TBC1D2B: variants seen among roughly 807,000 people sequenced by gnomAD.
TBC1D2B encodes the protein TBC1 domain family member 2B.
Under a neutral mutation model 100.8 loss-of-function variants are expected in TBC1D2B, and 64 were observed. The observed-to-expected ratio is 0.64, with a 90% CI of 0.52 to 0.78. The LOEUF (loss-of-function observed/expected upper bound fraction) is 0.78, where lower values mean the gene tolerates loss of function less well. Among genes scored for constraint, TBC1D2B ranks in the 30% least tolerant of loss-of-function variants. The pLI is 0.00. For synonymous variants in TBC1D2B, 480 were observed against 479.7 expected (o/e 1.00, Z -0.01); for missense variants, 1,052 against 1,218.4 (o/e 0.86, Z 2.03).
At chr15:78,006,837 A>C (rs2072080428) in intron 10 of TBC1D2B, among the ~76,000 whole-genome samples, 1 of 152,220 alleles carries the variant, frequency 6.6e-6, no homozygotes, top group Non-Finnish European at 1.5e-5. Context: ...TGTAAGTTCA[A>C]ACATTTACTG....
intron 3 of TBC1D2B, chr15:78,034,384 C>T (rs1401652410): frequency 1.7e-6 from 1 of 594,194 alleles, no homozygotes; most frequent in Non-Finnish European, 2.1e-6. Context: ...TTTTCAGTGG[C>T]CCTGCCTACA....
At chr15:78,045,182 A>G (rs966814662) in intron 2 of TBC1D2B, 114 bp from the exon 3 acceptor site, 2 of 911,216 alleles carry the variant, frequency 2.2e-6, no homozygotes, top group East Asian at 2.7e-5. Flanking sequence ...ATGTAATAGT[A>G]TATTTTTAAT....
In TBC1D2B at chr15:78,077,699, C is replaced by T; in HGVS notation, c.-47G>A. On this transcript the variant is annotated 5_prime_UTR_variant, in exon 1 of 13. Transcript: ENST00000300584. ...GGCGCCCGCGCCCTGCGCCTCCGCG[C>T]CGCGGCCGCTGCGCCCCCTACCCCC... The T allele has an allele frequency of 2.0e-6, 2 of 985,368 alleles. No individual in the cohort carries two copies. Among genetic ancestry groups the T allele is most frequent in the South Asian group, 4.5e-5 (1 of 22,022 alleles). The allele number at this position is 985,368 out of a possible 1,614,324, so 61.0% of individuals were successfully genotyped here.
chr15:78,048,429 A>G (rs943925117), intron 2 of TBC1D2B, among the ~76,000 whole-genome samples: 31 of 152,230 alleles, frequency 2.0e-4, no homozygotes, highest in Admixed American at 2.0e-3. Context: ...ACAAACTAGG[A>G]CATGGCAACA....
intron 2 of TBC1D2B, among the ~76,000 whole-genome samples, chr15:78,046,029 T>G (rs917112551): frequency 3.3e-5 from 5 of 152,122 alleles, no homozygotes; most frequent in Non-Finnish European, 7.3e-5. Flanking sequence ...CCTCCTGGGT[T>G]CAAGCGATTC....
chr15:78,025,107 C>T (rs538050945), intron 5 of TBC1D2B, among the ~76,000 whole-genome samples, 152 bp downstream of exon 5: 5 of 152,252 alleles, frequency 3.3e-5, no homozygotes, highest in East Asian at 1.9e-4. Flanking sequence ...CCTAGATGAC[C>T]GCCATGGCAA....
At position 77,998,365 on chromosome 15, in the gene TBC1D2B, C is replaced by T. The variant is rs527462797; in HGVS notation, c.2697-10G>A. Reference sequence around the variant, plus strand: ...GATACTGATCAGCTTCCTGGCAGGACGCAGGGGAGAGACAAGAGAATCAGC... The same window carrying T: ...GATACTGATCAGCTTCCTGGCAGGATGCAGGGGAGAGACAAGAGAATCAGC... On this transcript the variant is annotated splice_polypyrimidine_tract_variant and intron_variant, in intron 12 of 12. Coordinates refer to ENST00000300584, the MANE Select transcript of TBC1D2B (RefSeq NM_144572.2). The T allele has an allele frequency of 1.6e-5, 25 of 1,560,278 alleles. No homozygotes were observed. Among genetic ancestry groups the T allele is most frequent in the Admixed American group, 7.7e-5 (4 of 51,794 alleles).
At chr15:78,059,481 A>T (rs1159475058) in intron 1 of TBC1D2B, among the ~76,000 whole-genome samples, 1 of 152,126 alleles carries the variant, frequency 6.6e-6, no homozygotes, top group Admixed American at 6.5e-5. Context: ...GGTGAGGGAG[A>T]GGGGCAGACA....
chr15:78,003,965 G>C (rs1219840060), intron 10 of TBC1D2B, among the ~76,000 whole-genome samples: 2 of 152,210 alleles, frequency 1.3e-5, no homozygotes, highest in South Asian at 2.1e-4. Flanking sequence ...ATGTGCAGTG[G>C]GGGTGGCGAG....
chr15:78,033,759 GA>G (rs1243497403), intron 3 of TBC1D2B, among the ~76,000 whole-genome samples: 1 of 152,166 alleles, frequency 6.6e-6, no homozygotes, highest in African/African-American at 2.4e-5. Context: ...GGAAAGGGGG[GA>G]AAAGGTGGCT....
rs984859980 is a variant in TBC1D2B at position 78,024,513 on chromosome 15, T to C, written c.1113A>G (p.Thr371=). Residue 371 remains threonine, a synonymous_variant, in exon 6 of 13, where the codon ACA becomes ACG. Coordinates refer to ENST00000300584, the MANE Select transcript of TBC1D2B (RefSeq NM_144572.2). ...QKELVRLLQQ[T]VRSSQYDKYF... ...ACTTGTCATACTGGGATGACCGGAC[T>C]GTCTGCTGGAGCAGTCGAACAAGCT... 7 of 1,613,064 alleles carry C rather than the reference T, an allele frequency of 4.3e-6. No individual in the cohort carries two copies. The highest frequency in any genetic ancestry group is 4.2e-6 in the Non-Finnish European group (5 of 1,179,352).
chr15:78,065,368 C>G (rs1168031597), intron 1 of TBC1D2B, among the ~76,000 whole-genome samples: 1 of 152,202 alleles, frequency 6.6e-6, no homozygotes, highest in African/African-American at 2.4e-5. Context: ...TGTGAGGGAT[C>G]TGGCCACATC....
chr15:78,015,312 T>C (rs1022700455), intron 8 of TBC1D2B, among the ~76,000 whole-genome samples: 8 of 152,184 alleles, frequency 5.3e-5, no homozygotes, highest in South Asian at 2.1e-4. Context: ...ACATTAACAA[T>C]TGCTCAAGTT....
chr15:78,038,432 T>C (rs13329101), intron 3 of TBC1D2B, among the ~76,000 whole-genome samples: 7,771 of 152,026 alleles, frequency 0.051, 395 homozygotes, highest in African/African-American at 0.12. Context: ...GCAGGGCCTG[T>C]TGGGAAGACA....
chr15:78,047,945 A>C (rs1305772053), intron 2 of TBC1D2B, among the ~76,000 whole-genome samples: 1 of 152,240 alleles, frequency 6.6e-6, no homozygotes, highest in Non-Finnish European at 1.5e-5. Flanking sequence ...AAGTCAGGAA[A>C]TAAACACAAC....
chr15:78,007,821 C>G (rs922754771), intron 10 of TBC1D2B, among the ~76,000 whole-genome samples: 1 of 152,220 alleles, frequency 6.6e-6, no homozygotes, highest in South Asian at 2.1e-4. Flanking sequence ...CGGACAGGAG[C>G]TGGGCACAGA....
chr15:78,054,241 TA>T, intron 1 of TBC1D2B, 54 bp from the exon 2 acceptor site: 1 of 1,538,476 alleles, frequency 6.5e-7, no homozygotes, highest in African/African-American at 1.4e-5. Context: ...ATGAAGAGCT[TA>T]AAAAATATTA....
chr15:78,060,303 T>G (rs1290573599), intron 1 of TBC1D2B, among the ~76,000 whole-genome samples: 1 of 151,948 alleles, frequency 6.6e-6, no homozygotes, highest in Non-Finnish European at 1.5e-5. Context: ...GGGAAACAAG[T>G]TTATAATTAC....
At chr15:78,046,993 T>C (rs2073209816) in intron 2 of TBC1D2B, among the ~76,000 whole-genome samples, 1 of 152,108 alleles carries the variant, frequency 6.6e-6, no homozygotes, top group Non-Finnish European at 1.5e-5. Flanking sequence ...AAGAACACAC[T>C]GGGGAAGTAT....
Sources: gnomAD v4.1 joint callset for allele counts (sites outside exome capture counted in the v4.1 genomes callset) on GRCh38, gnomAD v4.1.1 for gene constraint, MANE v1.5 for transcripts, NCBI Gene and HGNC (gene_info 2026-07-23, HGNC 2026-07-21) for gene names.